Variants in COL1A1 observed in about 807,000 individuals in gnomAD.
The protein encoded by COL1A1 is collagen alpha-1(I) chain.
Under a neutral mutation model 195.7 loss-of-function variants are expected in COL1A1, and 21 were observed. The observed-to-expected ratio is 0.11, with a 90% CI of 0.08 to 0.15. The LOEUF is 0.15. Ranked by LOEUF, COL1A1 falls within the 10% of genes least tolerant of loss-of-function variation. The pLI, the probability that COL1A1 is intolerant of heterozygous loss-of-function variation, is 1.00. For synonymous variants in COL1A1, 749 were observed against 747.3 expected, an observed-to-expected ratio of 1.00 and a Z score of -0.04; for missense variants, 1,365 against 2,051.0, an observed-to-expected ratio of 0.67 and a Z score of 6.46.
At chr17:50,200,129 G>T (rs746346744) in intron 1 of COL1A1, 182 bp from the exon 2 acceptor site, 1 of 686,362 alleles carries the variant, frequency 1.5e-6, no homozygotes, top group East Asian at 2.7e-5. Flanking sequence ...GCGCCGAGGC[G>T]CCTGGCCAGG....
Position 50,196,451 on chromosome 17 carries a change from C to T in COL1A1, c.903+33G>A, listed in dbSNP as rs373496190. 5.9e-5 allele frequency: 95 copies of T among 1,614,192 alleles called. No homozygotes were observed. In the African/African-American group the frequency reaches 1.0e-3, roughly 18 times the overall value. On this transcript the variant is annotated intron_variant, in intron 13 of 50. Coordinates refer to ENST00000225964, the MANE Select transcript of COL1A1 (RefSeq NM_000088.4). ...CTCCATCTTGCCCCTGCCTCCTGCC[C>T]CATCCCTGCCCTCTGGAACTGGGCA...
In COL1A1 at chr17:50,198,089, T is replaced by C. The variant is rs8076979; in HGVS notation, c.588+72A>G. The C allele has an allele frequency of 0.04, 64,534 of 1,605,858 alleles. 6,082 individuals carry two copies. The highest frequency in any genetic ancestry group is 0.37 in the African/African-American group (27,987 of 74,662). On this transcript the variant is annotated intron_variant, in intron 7 of 50. Transcript: ENST00000225964. ...CCAAGAGATCTCTGAGCATCTCTCCTGCCCTCATCCCAGTCTTCCCTCCAA... is the reference window on the plus strand; with the variant it reads ...CCAAGAGATCTCTGAGCATCTCTCCCGCCCTCATCCCAGTCTTCCCTCCAA...
At chr17:50,196,414 G>T in intron 13 of COL1A1, 47 bp from the exon 14 acceptor site, 1 of 1,613,898 alleles carries the variant, frequency 6.2e-7, no homozygotes, top group East Asian at 2.2e-5. Flanking sequence ...AGACAGCCTT[G>T]TTCCCCCAGG....
Position 50,195,909 on chromosome 17 carries a change from G to A in COL1A1, c.1056+14C>T. 1 of 1,572,784 alleles carries A rather than the reference G, an allele frequency of 6.4e-7. No homozygotes were observed. The highest frequency in any genetic ancestry group is 1.2e-5 in the South Asian group (1 of 85,766). ...CCATGAGGGTCATGCTTAGAGGAGA[G>A]TGGGGGGTCTCACCTTAGCACCAAC... On this transcript the variant is annotated intron_variant, in intron 16 of 50. Coordinates refer to ENST00000225964, the MANE Select transcript of COL1A1 (RefSeq NM_000088.4). The surrounding 1 kb of genome is among the most constrained non-coding windows in gnomAD (Gnocchi z 4.3).
Position 50,185,906 on chromosome 17 carries a change from C to T in COL1A1, c.4120G>A (p.Val1374Met), listed in dbSNP as rs954167907. Reference protein sequence around the residue: ...QNITYHCKNSVAYMDQQTGNL... With the variant: ...QNITYHCKNSMAYMDQQTGNL... ...CCAGTCTGCTGGTCCATGTAGGCCACGCTGTTCTTGCAGTGGTAGGTGATG... is the reference window on the plus strand; with the variant it reads ...CCAGTCTGCTGGTCCATGTAGGCCATGCTGTTCTTGCAGTGGTAGGTGATG... Residue 1374 changes from valine to methionine, a missense_variant, in exon 50 of 51, where the codon GTG becomes ATG. Val to Met is a conservative substitution (Grantham distance 21, BLOSUM62 1). Coordinates refer to ENST00000225964, the MANE Select transcript of COL1A1 (RefSeq NM_000088.4). 5 of 1,613,980 alleles carry T rather than the reference C, an allele frequency of 3.1e-6. No homozygotes were observed. The highest frequency in any genetic ancestry group is 2.2e-5 in the East Asian group (1 of 44,880).
rs1001739152 is a variant in COL1A1 at position 50,194,704 on chromosome 17, C to T, written c.1461+17G>A. The T allele has an allele frequency of 6.4e-6, 10 of 1,560,460 alleles. No homozygotes were observed. The highest frequency in any genetic ancestry group is 8.7e-6 in the Non-Finnish European group (10 of 1,151,604). On this transcript the variant is annotated intron_variant, in intron 21 of 50. Transcript: ENST00000225964. This position sits in a 1 kb window ranked among gnomAD's most constrained non-coding sequence, Gnocchi z 6.8. ...GCAATGAGGGTGGAGCGGGAGGGGG[C>T]GGGCAGGGACACTTACACGCTCGCC...
chr17:50,197,845 G>C (rs1407276008), intron 8 of COL1A1, 60 bp from the exon 9 acceptor site: 2 of 1,591,290 alleles, frequency 1.3e-6, no homozygotes, highest in African/African-American at 1.3e-5. Flanking sequence ...GGGAAGGCTG[G>C]GATTGAAGGG....
chr17:50,187,388 TC>T, intron 46 of COL1A1, 95 bp downstream of exon 46: 1 of 1,270,650 alleles, frequency 7.9e-7, no homozygotes, highest in Middle Eastern at 2.4e-4. Context: ...TGAACCCTTC[TC>T]CAGAGAGGCA....
At chr17:50,192,451 C>T in intron 29 of COL1A1, 24 bp downstream of exon 29, 1 of 1,586,844 alleles carries the variant, frequency 6.3e-7, no homozygotes, top group Non-Finnish European at 8.6e-7. Flanking sequence ...TCTCCCACCC[C>T]TCTGGCCGGC....
In COL1A1 at chr17:50,195,289, G is replaced by A; in HGVS notation, c.1242C>T (p.Ala414=). 6.2e-7 allele frequency: 1 copy of A among 1,613,862 alleles called. No homozygotes were observed. Among genetic ancestry groups the A allele is most frequent in the Non-Finnish European group, 8.5e-7 (1 of 1,179,886 alleles). Residue 414 remains alanine, a synonymous_variant, in exon 19 of 51, where the codon GCC becomes GCT. Transcript: ENST00000225964. The surrounding 1 kb of genome is among the most constrained non-coding windows in gnomAD (Gnocchi z 4.3). Reference sequence around the variant, plus strand: ...GGCCCTGGGGTCCAGAGGGGCCTCGGGCACCAGGGAAGCCAGGAGCACCAG... The same window carrying A: ...GGCCCTGGGGTCCAGAGGGGCCTCGAGCACCAGGGAAGCCAGGAGCACCAG... ...GIAGAPGFPG[A]RGPSGPQGPG...
Position 50,188,659 on chromosome 17 carries a change from TA to T in COL1A1, c.3100-23del. On this transcript the variant is annotated intron_variant, in intron 42 of 50. Coordinates refer to ENST00000225964, the MANE Select transcript of COL1A1 (RefSeq NM_000088.4). This position sits in a 1 kb window ranked among gnomAD's most constrained non-coding sequence, Gnocchi z 5.6. ...CACCCTGGCGGGGAGAGCAGGGGAA[TA>T]TGGGTCAGCCCCGGGTGAAGGGCCA... The T allele has an allele frequency of 6.2e-7, 1 of 1,612,876 alleles. No individual in the cohort carries two copies. The highest frequency in any genetic ancestry group is 8.5e-7 in the Non-Finnish European group (1 of 1,179,400).
Position 50,195,265 on chromosome 17 carries a change from G to T in COL1A1, c.1266C>A (p.Gly422=). Residue 422 remains glycine, a synonymous_variant, in exon 19 of 51, where the codon GGC becomes GGA. Transcript: ENST00000225964. The surrounding 1 kb of genome is among the most constrained non-coding windows in gnomAD (Gnocchi z 4.3). ...PGARGPSGPQ[G]PGGPPGPKGN... The stretch of plus-strand genomic sequence containing the variant: ...CCTTGGGACCAGGAGGGCCGCCGGG[G>T]CCCTGGGGTCCAGAGGGGCCTCGGG... The T allele has an allele frequency of 6.2e-7, 1 of 1,613,458 alleles. No individual in the cohort carries two copies. The highest frequency in any genetic ancestry group is 1.3e-5 in the African/African-American group (1 of 74,986).
rs146247759 is a variant in COL1A1 at position 50,193,513 on chromosome 17, G to A, written c.1767+430C>T. ...TTTTTTTTTTTTGAGATGGAATCTC[G>A]CACTGTTGCCCAGGCTGGAGTGCAA... On this transcript the variant is annotated intron_variant, in intron 25 of 50. Transcript: ENST00000225964. 558 of 196,810 alleles carry A rather than the reference G, an allele frequency of 2.8e-3. 4 individuals carry two copies. The highest frequency in any genetic ancestry group is 0.015 in the African/African-American group (513 of 34,078). 12.2% of individuals were successfully genotyped at this position (196,810 alleles called of 1,614,324 possible).
rs1256681481 is a variant in COL1A1 at position 50,195,848 on chromosome 17, T to G, written c.1056+75A>C. ...TGCTCTCTTGCCACTCTGGGTCCCT[T>G]TGGTTTGGGGAACAGGGAGACATGA... On this transcript the variant is annotated intron_variant, in intron 16 of 50. Transcript: ENST00000225964. This position sits in a 1 kb window ranked among gnomAD's most constrained non-coding sequence, Gnocchi z 4.3. The G allele has an allele frequency of 9.2e-6, 14 of 1,525,466 alleles. No homozygotes were observed. The highest frequency in any genetic ancestry group is 1.2e-5 in the Non-Finnish European group (14 of 1,122,962). 94.5% of individuals were successfully genotyped at this position (1,525,466 alleles called of 1,614,324 possible).
chr17:50,200,854 C>A (rs979929185), intron 1 of COL1A1, among the ~76,000 whole-genome samples: 1 of 152,184 alleles, frequency 6.6e-6, no homozygotes, highest in Non-Finnish European at 1.5e-5. Context: ...AGCGTTGGAC[C>A]GGGAGACGCA....
chr17:50,199,935 G>A lies in COL1A1; in HGVS notation c.116C>T (p.Thr39Ile), dbSNP rs1489797657. 6.2e-7 allele frequency: 1 copy of A among 1,614,204 alleles called. No homozygotes were observed. Among genetic ancestry groups the A allele is most frequent in the Non-Finnish European group, 8.5e-7 (1 of 1,180,042 alleles). The stretch of plus-strand genomic sequence containing the variant: ...GTACCTGAGGCCGTTCTGTACGCAG[G>A]TGATTGGTGGGACTGGGACAGGCGG... ...EGQDEDIPPITCVQNGLRYHD... is the reference protein window; with the variant it reads ...EGQDEDIPPIICVQNGLRYHD... The change falls in exon 2 of 51, where the codon ACC becomes ATC. Residue 39 changes from threonine to isoleucine, a missense_variant. Around this residue, in one of 5 missense-constraint regions of COL1A1, gnomAD observed 194 missense variants for 221.7 expected, o/e 0.88. Coordinates refer to ENST00000225964, the MANE Select transcript of COL1A1 (RefSeq NM_000088.4).
At position 50,194,630 on chromosome 17, in the gene COL1A1, C is replaced by A. The variant is rs1190936011; in HGVS notation, c.1462-4G>T. 2.6e-6 allele frequency: 4 copies of A among 1,561,692 alleles called. No individual in the cohort carries two copies. Among genetic ancestry groups the A allele is most frequent in the Non-Finnish European group, 3.5e-6 (4 of 1,152,614 alleles). ...AACCACGGCTACCAGGTCCACCCTG[C>A]AGGAGGAGAGGAGGCCAGTGAACTC... is the stretch of plus-strand genomic sequence containing the variant. On this transcript the variant is annotated splice_polypyrimidine_tract_variant and splice_region_variant and intron_variant, in intron 21 of 50. Transcript: ENST00000225964. The surrounding 1 kb of genome is among the most constrained non-coding windows in gnomAD (Gnocchi z 6.8).
chr17:50,200,221 T>G, intron 1 of COL1A1: 85 of 431,906 alleles, frequency 2.0e-4, no homozygotes, highest in Middle Eastern at 1.4e-3. Context: ...CTCAGCCCAT[T>G]GGCGCTGAAG....
chr17:50,200,100 C>CGAGG (rs755441785), intron 1 of COL1A1, 153 bp from the exon 2 acceptor site: 1 of 841,360 alleles, frequency 1.2e-6, no homozygotes, highest in Non-Finnish European at 2.0e-6. Context: ...TCGCCTGCTC[C>CGAGG]TCATCAGCGC....
Sources: gnomAD v4.1 joint callset for allele counts (sites outside exome capture counted in the v4.1 genomes callset) on GRCh38, gnomAD v4.1.1 for gene constraint, gnomAD v4.1.1 regional missense constraint, Gnocchi (gnomAD v3.1) non-coding constraint, MANE v1.5 for transcripts, NCBI Gene and HGNC (gene_info 2026-07-23, HGNC 2026-07-21) for gene names.